Variants in POU2F1 observed in about 807,000 individuals in gnomAD.
POU2F1 encodes the protein POU class 2 homeobox 1, also known as POU domain, class 2, transcription factor 1.
In POU2F1, 16 loss-of-function variants were observed where a neutral mutation model predicts 84.9. The observed-to-expected ratio is 0.19, with a 90% confidence interval of 0.13 to 0.29. The LOEUF (loss-of-function observed/expected upper bound fraction) is 0.29, where lower values mean the gene tolerates loss of function less well. Ranked by LOEUF, POU2F1 falls within the 10% of genes least tolerant of loss-of-function variation. POU2F1 has a pLI of 1.00. For synonymous variants in POU2F1, 368 were observed against 368.3 expected, an observed-to-expected ratio of 1.00 and a Z score of 0.01; for missense variants, 738 against 942.6, an observed-to-expected ratio of 0.78 and a Z score of 2.84.
intron 8 of POU2F1, 137 bp from the exon 9 acceptor site, chr1:167,389,451 A>G (rs1486023072): frequency 2.1e-5 from 17 of 820,548 alleles, no homozygotes; most frequent in Non-Finnish European, 2.9e-5. Context: ...ACTGAACATT[A>G]TGTTGTACAT....
intron 13 of POU2F1, among the ~76,000 whole-genome samples, chr1:167,405,740 C>A (rs1649528553): frequency 1.3e-5 from 2 of 152,116 alleles, no homozygotes; most frequent in African/African-American, 4.8e-5. Context: ...CACTATCAAC[C>A]AACTTGTTCT....
At chr1:167,391,405 T>G (rs1648389967) in intron 9 of POU2F1, among the ~76,000 whole-genome samples, 1 of 151,982 alleles carries the variant, frequency 6.6e-6, no homozygotes, top group Non-Finnish European at 1.5e-5. Context: ...TAATTTAAAG[T>G]TTTTAAGCCA....
At chr1:167,347,104 T>C (rs1046954467) in intron 2 of POU2F1, among the ~76,000 whole-genome samples, 15 of 152,256 alleles carry the variant, frequency 9.9e-5, no homozygotes, top group African/African-American at 2.9e-4. Context: ...TGGGCACAGA[T>C]ATTGTCATTA....
At position 167,394,714 on chromosome 1, in the gene POU2F1, T is replaced by G. The variant is rs549184066; in HGVS notation, c.988-1572T>G. On this transcript the variant is annotated intron_variant, in intron 9 of 15. Coordinates refer to ENST00000367866, the MANE Select transcript of POU2F1 (RefSeq NM_002697.4). ...TGGCTATATGGGAAGGCAGAGGATA[T>G]CAATCACTTGAAGTTCAGGTATTCT... 1.1e-4 allele frequency among the ~76,000 whole-genome samples: 17 copies of G among 152,330 alleles called. 1 individual carries two copies. The highest frequency in any genetic ancestry group is 1.0e-3 in the Admixed American group (16 of 15,304).
intron 2 of POU2F1, among the ~76,000 whole-genome samples, chr1:167,340,439 T>C (rs558507505): frequency 5.5e-4 from 81 of 146,544 alleles, no homozygotes; most frequent in Non-Finnish European, 9.6e-4. Flanking sequence ...TTCTTTTTTT[T>C]TTTTTTTTTG....
At chr1:167,256,195 C>T (rs1358708778) in intron 1 of POU2F1, among the ~76,000 whole-genome samples, 2 of 152,012 alleles carry the variant, frequency 1.3e-5, no homozygotes, top group East Asian at 1.9e-4. Context: ...TGGCCATCAA[C>T]GGGAAGCCTG....
Position 167,289,817 on chromosome 1 carries a change from G to A in POU2F1, c.62-42653G>A, listed in dbSNP as rs916330770. Reference sequence around the variant, plus strand: ...GATGTTCATTTATTTGCTGGCTTGTGTTCTGTTCTCTTTTAGACAGTTTTT... The same window carrying A: ...GATGTTCATTTATTTGCTGGCTTGTATTCTGTTCTCTTTTAGACAGTTTTT... On this transcript the variant is annotated intron_variant, in intron 1 of 15. Coordinates refer to ENST00000367866, the MANE Select transcript of POU2F1 (RefSeq NM_002697.4). Among the ~76,000 whole-genome samples the A allele has an allele frequency of 5.3e-5, 8 of 152,106 alleles. No individual in the cohort carries two copies. In the South Asian group the frequency reaches 8.3e-4, roughly 16 times the overall value.
rs575467888 is a variant in POU2F1, at chr1:167,262,426, A to G, written c.61+41468A>G. 7.9e-5 allele frequency among the ~76,000 whole-genome samples: 12 copies of G among 152,324 alleles called. No individual in the cohort carries two copies. The South Asian group carries it at 1.7e-3, about 21-fold the overall frequency. Reference sequence around the variant, plus strand: ...ATTGTTGAGTGTTTTATTCAACACTAATTTATTCAGTGTACTTTGTTCAGC... The same window carrying G: ...ATTGTTGAGTGTTTTATTCAACACTGATTTATTCAGTGTACTTTGTTCAGC... On this transcript the variant is annotated intron_variant, in intron 1 of 15. Coordinates refer to ENST00000367866, the MANE Select transcript of POU2F1 (RefSeq NM_002697.4).
chr1:167,344,077 T>A (rs2101764437), intron 2 of POU2F1, among the ~76,000 whole-genome samples: 1 of 152,212 alleles, frequency 6.6e-6, no homozygotes, highest in East Asian at 1.9e-4. Flanking sequence ...TCTTTAAATT[T>A]AAATTAAATT....
intron 1 of POU2F1, among the ~76,000 whole-genome samples, chr1:167,252,496 G>A (rs769782881): frequency 2.0e-5 from 3 of 152,184 alleles, no homozygotes; most frequent in Admixed American, 6.5e-5. Flanking sequence ...GAGCCACCGC[G>A]CCCGGCCTGA....
chr1:167,319,560 G>A (rs1656165831), intron 1 of POU2F1, among the ~76,000 whole-genome samples: 1 of 151,930 alleles, frequency 6.6e-6, no homozygotes, highest in Non-Finnish European at 1.5e-5. Context: ...CCAGTAATGT[G>A]TTTAATATTC....
chr1:167,224,419 A>G (rs981260440), intron 1 of POU2F1, among the ~76,000 whole-genome samples: 5 of 152,216 alleles, frequency 3.3e-5, no homozygotes, highest in African/African-American at 1.2e-4. Flanking sequence ...ATAAGGTAGA[A>G]TACTCACAGG....
intron 2 of POU2F1, among the ~76,000 whole-genome samples, chr1:167,362,833 C>G (rs1160609343): frequency 2.0e-5 from 3 of 152,086 alleles, no homozygotes; most frequent in African/African-American, 7.2e-5. Flanking sequence ...AGAATATTGC[C>G]TGTAGAGTCT....
rs1427566751 is a variant in POU2F1 at position 167,415,913 on chromosome 1, G to T, written c.*103G>T. ...AAAATGTGATTGGCTTCCTCTCGCC[G>T]TGTTGTGAGGGCAAAGGAGAGAAGG... On this transcript the variant is annotated 3_prime_UTR_variant, in exon 16 of 16. Coordinates refer to ENST00000367866, the MANE Select transcript of POU2F1 (RefSeq NM_002697.4). 1.9e-5 allele frequency: 17 copies of T among 916,348 alleles called. No individual in the cohort carries two copies. Among genetic ancestry groups the T allele is most frequent in the Non-Finnish European group, 2.5e-5 (16 of 634,636 alleles). The allele number at this position is 916,348 out of a possible 1,614,324, so 56.8% of individuals were successfully genotyped here.
chr1:167,325,795 A>G (rs1656660834), intron 1 of POU2F1, among the ~76,000 whole-genome samples: 1 of 151,714 alleles, frequency 6.6e-6, no homozygotes, highest in Non-Finnish European at 1.5e-5. Context: ...AGGCTGAGGC[A>G]GGAGAATCGC....
intron 15 of POU2F1, 54 bp downstream of exon 15, chr1:167,413,168 T>A (rs1571471468): frequency 2.7e-5 from 21 of 765,074 alleles, no homozygotes; most frequent in East Asian, 1.3e-4. Flanking sequence ...TGTGAGTGTG[T>A]GTGTGTGTGT....
At chr1:167,267,123 T>G (rs1335962229) in intron 1 of POU2F1, among the ~76,000 whole-genome samples, 1 of 150,144 alleles carries the variant, frequency 6.7e-6, no homozygotes, top group African/African-American at 2.5e-5. Flanking sequence ...ATCCTTGAAG[T>G]AAAATACTAT....
At chr1:167,234,773 G>A (rs894944386) in intron 1 of POU2F1, among the ~76,000 whole-genome samples, 8 of 152,058 alleles carry the variant, frequency 5.3e-5, no homozygotes, top group African/African-American at 1.9e-4. Flanking sequence ...AATTACACAT[G>A]TTAACCTTGG....
At chr1:167,307,726 G>A (rs935866693) in intron 1 of POU2F1, among the ~76,000 whole-genome samples, 1 of 151,966 alleles carries the variant, frequency 6.6e-6, no homozygotes, top group Non-Finnish European at 1.5e-5. Flanking sequence ...AATTAACATT[G>A]ACAGGTTACT....
Sources: gnomAD v4.1 joint callset for allele counts (sites outside exome capture counted in the v4.1 genomes callset) on GRCh38, gnomAD v4.1.1 for gene constraint, MANE v1.5 for transcripts, NCBI Gene and HGNC (gene_info 2026-07-23, HGNC 2026-07-21) for gene names.